Variants in SYT14 observed in about 807,000 individuals in gnomAD.
SYT14 encodes synaptotagmin-14.
In SYT14, 32 loss-of-function variants were observed where a neutral mutation model predicts 74.2. That is an observed-to-expected ratio of 0.43 (90% CI 0.33 to 0.58). The LOEUF (loss-of-function observed/expected upper bound fraction) is 0.58, where lower values mean the gene tolerates loss of function less well. SYT14 is among the 20% of genes least tolerant of loss of function. The pLI is 0.05. For synonymous variants in SYT14, 298 were observed against 337.7 expected (o/e 0.88, Z 1.29); for missense variants, 791 against 981.8 (o/e 0.81, Z 2.60).
At chr1:210,052,665 C>CAACAAAAAAAAAAAAAAAA in intron 5 of SYT14, among the ~76,000 whole-genome samples, 1 of 42,266 alleles carries the variant, frequency 2.4e-5, no homozygotes, top group South Asian at 1.1e-3. Flanking sequence ...TACATCTCAC[C>CAACAAAAAAAAAAAAAAAA]AAAAAAAAAA....
rs1191288266 is a variant in SYT14, at chr1:210,063,298, C to A, written c.1313-31024C>A. On this transcript the variant is annotated intron_variant, in intron 5 of 9. Coordinates refer to ENST00000637265, the Ensembl canonical transcript of SYT14. Reference sequence around the variant, plus strand: ...TCTTTTCCAAATTGCTGCCATTTATCACTATGTTATTGCTGGAAAATCTAA... The same window carrying A: ...TCTTTTCCAAATTGCTGCCATTTATAACTATGTTATTGCTGGAAAATCTAA... Among the ~76,000 whole-genome samples, 3 of 151,630 alleles carry A rather than the reference C, an allele frequency of 2.0e-5. No individual in the cohort carries two copies. In the East Asian group the frequency reaches 5.8e-4, roughly 29 times the overall value.
intron 2 of SYT14, among the ~76,000 whole-genome samples, chr1:209,963,262 G>A (rs923464113): frequency 1.3e-5 from 2 of 152,094 alleles, no homozygotes; most frequent in Non-Finnish European, 1.5e-5. Context: ...ATGGATTGCT[G>A]AGATGGTCCT....
At chr1:210,016,760 G>A (rs540001487) in exon 4 of SYT14, 15 of 1,231,794 alleles carry the variant, frequency 1.2e-5, no homozygotes, top group African/African-American at 1.5e-5. Flanking sequence ...ACATCTTCCC[G>A]ATTTAGGGCA....
intron 8 of SYT14, 57 bp downstream of exon 7, chr1:210,155,967 G>A: frequency 4.8e-6 from 7 of 1,452,644 alleles, no homozygotes; most frequent in Non-Finnish European, 6.7e-6. Context: ...GGGACTCTCA[G>A]TATTAGGGAG....
chr1:210,106,034 T>C (rs2082151957), intron 7 of SYT14, among the ~76,000 whole-genome samples: 1 of 152,218 alleles, frequency 6.6e-6, no homozygotes, highest in South Asian at 2.1e-4. Context: ...AGGTATGTCT[T>C]TTTAACAACA....
chr1:210,013,777 A>G (rs147885722), exon 3 of SYT14: 31 of 1,611,770 alleles, frequency 1.9e-5, no homozygotes, highest in Non-Finnish European at 2.5e-5. Flanking sequence ...AGTACAAGGA[A>G]GAATTCACAA....
intron 2 of SYT14, among the ~76,000 whole-genome samples, chr1:210,011,534 A>C (rs949214582): frequency 6.6e-6 from 1 of 151,550 alleles, no homozygotes. Flanking sequence ...TTACAATATT[A>C]CTCTCTGCTT....
chr1:209,983,142 G>T (rs2079516930), intron 2 of SYT14, among the ~76,000 whole-genome samples: 1 of 151,824 alleles, frequency 6.6e-6, no homozygotes, highest in African/African-American at 2.4e-5. Context: ...GTAATCTGTA[G>T]CTTGTCTTCT....
intron 2 of SYT14, among the ~76,000 whole-genome samples, chr1:209,990,845 G>A (rs898060048): frequency 3.3e-5 from 5 of 151,750 alleles, no homozygotes; most frequent in African/African-American, 1.2e-4. Flanking sequence ...TGTCAGATTG[G>A]TATTATTACA....
At chr1:210,092,707 C>T (rs2081897346) in intron 5 of SYT14, among the ~76,000 whole-genome samples, 1 of 152,116 alleles carries the variant, frequency 6.6e-6, no homozygotes, top group Non-Finnish European at 1.5e-5. Context: ...TTACTTTTTG[C>T]TTACGTTATA....
At chr1:210,150,444 C>T (rs77021438) in intron 7 of SYT14, among the ~76,000 whole-genome samples, 18,299 of 152,172 alleles carry the variant, frequency 0.12, 1,464 homozygotes, top group South Asian at 0.23. Flanking sequence ...TTGGAGCAAT[C>T]ATGCTCTTTC....
intron 2 of SYT14, 121 bp from the exon 3 acceptor site, chr1:210,013,512 A>G: frequency 1.0e-6 from 1 of 993,044 alleles, no homozygotes; most frequent in Non-Finnish European, 1.5e-6. Flanking sequence ...TTTTTAAACT[A>G]TGACAATTAA....
intron 7 of SYT14, among the ~76,000 whole-genome samples, chr1:210,141,461 T>C (rs937885429): frequency 6.6e-6 from 1 of 152,220 alleles, no homozygotes; most frequent in South Asian, 2.1e-4. Flanking sequence ...ATTTACTGCA[T>C]AGGAGATCAT....
intron 5 of SYT14, among the ~76,000 whole-genome samples, chr1:210,082,802 A>C (rs1223551805): frequency 2.6e-5 from 4 of 152,168 alleles, no homozygotes. Context: ...TCAAAACAGA[A>C]ATGCTTTTCA....
intron 1 of SYT14, among the ~76,000 whole-genome samples, chr1:209,942,369 C>T (rs200840971): frequency 7.5e-6 from 1 of 133,504 alleles, no homozygotes; most frequent in Non-Finnish European, 1.6e-5. Context: ...TACCCCCCCC[C>T]CCCCGCTCTG....
chr1:210,155,852 A>G (rs2083258405), exon 8 of SYT14: 3 of 1,614,136 alleles, frequency 1.9e-6, no homozygotes, highest in Non-Finnish European at 2.5e-6. Context: ...CTGGAAGACT[A>G]TCAGCAGAAG....
chr1:210,008,512 C>T (rs962330342), intron 2 of SYT14, among the ~76,000 whole-genome samples: 3 of 151,960 alleles, frequency 2.0e-5, no homozygotes, highest in Non-Finnish European at 4.4e-5. Flanking sequence ...TAGAGGTGCC[C>T]GCCACCACAC....
At chr1:210,094,492 T>G in exon 6 of SYT14, 1 of 1,613,938 alleles carries the variant, frequency 6.2e-7, no homozygotes, top group Non-Finnish European at 8.5e-7. Context: ...ATATAACAAG[T>G]GCCCAAGTGA....
intron 5 of SYT14, among the ~76,000 whole-genome samples, chr1:210,068,891 T>C (rs1393373837): frequency 6.6e-6 from 1 of 151,828 alleles, no homozygotes; most frequent in Admixed American, 6.6e-5. Context: ...TTTCAGTCTT[T>C]TTTGGTTTCT....
Sources: gnomAD v4.1 joint callset for allele counts (sites outside exome capture counted in the v4.1 genomes callset) on GRCh38, gnomAD v4.1.1 for gene constraint, MANE v1.5 for transcripts, NCBI Gene and HGNC (gene_info 2026-07-23, HGNC 2026-07-21) for gene names.